C12orf42: variants seen among roughly 807,000 people sequenced by gnomAD.
C12orf42 encodes chromosome 12 open reading frame 42.
C12orf42 carries 25 observed loss-of-function variants against 21.6 expected under a neutral mutation model. The observed-to-expected ratio is 1.16, with a 90% confidence interval of 0.84 to 1.62. C12orf42 has a LOEUF of 1.62. C12orf42 is among the 40% of genes most tolerant of loss of function. The pLI is 0.00. For missense variants in C12orf42, 483 were observed against 459.3 expected (o/e 1.05, Z -0.47); for synonymous variants, 174 against 175.0 (o/e 0.99, Z 0.05).
At chr12:103,066,760 A>G in the C12orf42 span, among the ~76,000 whole-genome samples, 3,826 of 152,292 alleles carry the variant, frequency 0.025, 152 homozygotes, top group African/African-American at 0.087. Flanking sequence ...AAATTTGGGG[A>G]AGAGTGGATG....
chr12:103,561,064 A>G, the C12orf42 span, among the ~76,000 whole-genome samples: 3 of 152,110 alleles, frequency 2.0e-5, no homozygotes, highest in Admixed American at 2.0e-4. Context: ...CTATCCCAGC[A>G]TATCTCCCTG....
chr12:103,459,429 C>T (rs928288718), intron 2 of C12orf42, among the ~76,000 whole-genome samples: 2 of 152,050 alleles, frequency 1.3e-5, no homozygotes, highest in Non-Finnish European at 2.9e-5. Flanking sequence ...GTGTATCCAC[C>T]GGAGACCTGG....
the C12orf42 span, among the ~76,000 whole-genome samples, chr12:103,551,803 C>T: frequency 6.6e-6 from 1 of 151,856 alleles, no homozygotes; most frequent in Non-Finnish European, 1.5e-5. Flanking sequence ...GGTGACAGAG[C>T]AAGACTCTGT....
the C12orf42 span, among the ~76,000 whole-genome samples, chr12:103,097,032 T>G: frequency 6.6e-6 from 1 of 152,238 alleles, no homozygotes; most frequent in African/African-American, 2.4e-5. Flanking sequence ...CTCAATGTTG[T>G]GTCCTCACAG....
intron 4 of C12orf42, among the ~76,000 whole-genome samples, chr12:103,281,190 C>A (rs2036090861): frequency 1.3e-5 from 2 of 152,124 alleles, no homozygotes; most frequent in South Asian, 4.1e-4. Context: ...AAGAATCTTA[C>A]TATTTGGGAA....
intron 4 of C12orf42, among the ~76,000 whole-genome samples, chr12:103,283,145 G>A (rs568704333): frequency 6.6e-6 from 1 of 152,140 alleles, no homozygotes; most frequent in African/African-American, 2.4e-5. Context: ...TTTTTAAATT[G>A]CCATCTGGAA....
chr12:103,412,357 A>G (rs1462556360), intron 2 of C12orf42, among the ~76,000 whole-genome samples: 2 of 152,364 alleles, frequency 1.3e-5, no homozygotes, highest in Non-Finnish European at 1.5e-5. Context: ...GGTGTTCATC[A>G]GGTAAACTGG....
chr12:103,208,438 A>T, the C12orf42 span, among the ~76,000 whole-genome samples: 6,200 of 152,206 alleles, frequency 0.041, 283 homozygotes, highest in East Asian at 0.24. Flanking sequence ...GAATTACTAC[A>T]TTTATATAAA....
chr12:103,123,690 T>C, the C12orf42 span, among the ~76,000 whole-genome samples: 3 of 152,092 alleles, frequency 2.0e-5, no homozygotes, highest in African/African-American at 7.2e-5. Context: ...GATTTCAAAG[T>C]ATAGTAACAC....
chr12:103,252,088 T>C (rs2034335301), intron 10 of C12orf42, among the ~76,000 whole-genome samples: 1 of 152,172 alleles, frequency 6.6e-6, no homozygotes, highest in Non-Finnish European at 1.5e-5. Context: ...CCTGCATGCA[T>C]AAGGTATTTG....
At chr12:103,101,066 C>T in the C12orf42 span, among the ~76,000 whole-genome samples, 3 of 152,160 alleles carry the variant, frequency 2.0e-5, no homozygotes, top group African/African-American at 4.8e-5. Flanking sequence ...ATTTTAAACT[C>T]GGGAGCCTCC....
intron 2 of C12orf42, among the ~76,000 whole-genome samples, chr12:103,443,579 G>A (rs1951399181): frequency 6.6e-6 from 1 of 151,996 alleles, no homozygotes; most frequent in Admixed American, 6.6e-5. Flanking sequence ...TAAATTTTTA[G>A]GTGAAATCTC....
At chr12:103,449,363 A>T (rs1951793707) in intron 2 of C12orf42, among the ~76,000 whole-genome samples, 1 of 151,940 alleles carries the variant, frequency 6.6e-6, no homozygotes, top group Non-Finnish European at 1.5e-5. Context: ...GGGGTGAGGG[A>T]TAAAAGACTA....
chr12:103,187,046 A>G, the C12orf42 span, among the ~76,000 whole-genome samples: 2 of 152,200 alleles, frequency 1.3e-5, no homozygotes, highest in African/African-American at 4.8e-5. Flanking sequence ...CAAATCCTGG[A>G]AGAAGTCTCT....
At chr12:103,481,816 T>G (rs1036578868) in intron 1 of C12orf42, among the ~76,000 whole-genome samples, 2 of 151,818 alleles carry the variant, frequency 1.3e-5, no homozygotes, top group East Asian at 3.9e-4. Context: ...GTTTTTTTTT[T>G]CCCTACACTT....
upstream of C12orf42, among the ~76,000 whole-genome samples, chr12:103,496,470 G>T (rs1407741776): frequency 1.3e-5 from 2 of 152,096 alleles, no homozygotes; most frequent in Non-Finnish European, 2.9e-5. Flanking sequence ...TTTACTCTCT[G>T]CTCTTCCTCA....
intron 4 of C12orf42, among the ~76,000 whole-genome samples, chr12:103,330,884 T>C (rs2041184939): frequency 6.6e-6 from 1 of 152,210 alleles, no homozygotes; most frequent in African/African-American, 2.4e-5. Flanking sequence ...AAATACCTGA[T>C]AAGGCAAATG....
intron 4 of C12orf42, among the ~76,000 whole-genome samples, chr12:103,365,312 A>G (rs1053982433): frequency 1.3e-5 from 2 of 152,116 alleles, no homozygotes; most frequent in African/African-American, 2.4e-5. Context: ...ATTGGCATAC[A>G]AGTGACATGC....
chr12:103,439,418 A>C (rs983129639), intron 2 of C12orf42, among the ~76,000 whole-genome samples: 5 of 142,184 alleles, frequency 3.5e-5, no homozygotes, highest in Non-Finnish European at 6.2e-5. Flanking sequence ...GGATCTAATT[A>C]AACTAAAGAG....
Sources: gnomAD v4.1 joint callset for allele counts (sites outside exome capture counted in the v4.1 genomes callset) on GRCh38, gnomAD v4.1.1 for gene constraint, MANE v1.5 for transcripts, NCBI Gene and HGNC (gene_info 2026-07-23, HGNC 2026-07-21) for gene names.